Variants in SNX24 observed in about 807,000 individuals in gnomAD.
The protein encoded by SNX24 is sorting nexin 24.
SNX24 carries 22 observed loss-of-function variants against 28.7 expected under a neutral mutation model. The observed-to-expected ratio is 0.77, with a 90% CI of 0.55 to 1.10. SNX24 has a LOEUF of 1.10. SNX24 is among the 50% of genes least tolerant of loss of function. The pLI is 0.00. For synonymous variants in SNX24, 69 were observed against 71.5 expected (o/e 0.96, Z 0.18); for missense variants, 221 against 201.1 (o/e 1.10, Z -0.60).
rs142135532 is a variant in SNX24 at position 123,002,077 on chromosome 5, A to G, written c.442+73A>G. On this transcript the variant is annotated intron_variant, in intron 6 of 6. Coordinates refer to ENST00000261369, the MANE Select transcript of SNX24 (RefSeq NM_014035.4). ...GCACCACATAAACCACGTTTTTAAT[A>G]CAGGTCTAACAGAGTGACATTGGTC... 1.0e-3 allele frequency: 1,140 copies of G among 1,133,490 alleles called. 6 individuals carry two copies. The African/African-American group carries it at 0.015, about 15-fold the overall frequency. The allele number at this position is 1,133,490 out of a possible 1,614,324, so 70.2% of individuals were successfully genotyped here.
At chr5:123,027,785 T>C (rs1762882175) in intron 5 of SNX24, among the ~76,000 whole-genome samples, 2 of 152,184 alleles carry the variant, frequency 1.3e-5, no homozygotes, top group Admixed American at 1.3e-4. Context: ...AAACCAGTAT[T>C]TGTTGAATTA....
chr5:122,908,690 G>C (rs1254378071), intron 1 of SNX24, among the ~76,000 whole-genome samples: 2 of 152,178 alleles, frequency 1.3e-5, no homozygotes, highest in Non-Finnish European at 2.9e-5. Flanking sequence ...GTTTGTCAGT[G>C]AAGAAAGAAA....
At chr5:122,846,560 C>G (rs946689111) in intron 1 of SNX24, among the ~76,000 whole-genome samples, 1 of 152,222 alleles carries the variant, frequency 6.6e-6, no homozygotes, top group Non-Finnish European at 1.5e-5. Flanking sequence ...CACACACTTG[C>G]TAAACACCAG....
chr5:122,932,722 G>C (rs917172135), intron 1 of SNX24, among the ~76,000 whole-genome samples: 10 of 152,090 alleles, frequency 6.6e-5, no homozygotes, highest in African/African-American at 2.4e-4. Flanking sequence ...AGCTGGGCAT[G>C]GTGGCGGGCG....
chr5:122,919,383 A>G (rs1278432660), intron 1 of SNX24, among the ~76,000 whole-genome samples: 1 of 152,234 alleles, frequency 6.6e-6, no homozygotes, highest in African/African-American at 2.4e-5. Flanking sequence ...CCATGGTACT[A>G]GCAAAGAAGT....
intron 3 of SNX24, among the ~76,000 whole-genome samples, chr5:122,975,217 A>G (rs1003528509): frequency 6.6e-6 from 1 of 152,154 alleles, no homozygotes; most frequent in Non-Finnish European, 1.5e-5. Flanking sequence ...TCAGTCCTGT[A>G]TGTCACCCAT....
intron 3 of SNX24, among the ~76,000 whole-genome samples, chr5:122,992,267 AT>A (rs556163888): frequency 2.0e-4 from 31 of 152,300 alleles, no homozygotes; most frequent in African/African-American, 7.5e-4. Context: ...ACTACTACAT[AT>A]GTTGTAGTTG....
intron 3 of SNX24, among the ~76,000 whole-genome samples, chr5:122,992,744 C>A (rs957292462): frequency 2.0e-5 from 3 of 152,132 alleles, no homozygotes. Context: ...AATGGTAAAC[C>A]CTGGGAGGAC....
intron 1 of SNX24, chr5:122,853,659 A>AT (rs1185564275): frequency 1.4e-5 from 5 of 369,934 alleles, no homozygotes; most frequent in Admixed American, 5.9e-5. Context: ...ATTTTAAAAA[A>AT]TTTTTTTCGT....
intron 1 of SNX24, among the ~76,000 whole-genome samples, chr5:122,872,844 G>A (rs1756044232): frequency 6.6e-6 from 1 of 151,900 alleles, no homozygotes; most frequent in South Asian, 2.1e-4. Flanking sequence ...AGTTCCCACC[G>A]AGACCCATTC....
intron 3 of SNX24, among the ~76,000 whole-genome samples, chr5:122,973,127 AAT>A (rs1280721370): frequency 6.6e-6 from 1 of 152,154 alleles, no homozygotes; most frequent in Non-Finnish European, 1.5e-5. Context: ...ATGGGATAGA[AAT>A]ATCTTCACAG....
intron 3 of SNX24, among the ~76,000 whole-genome samples, chr5:122,970,225 A>G (rs532024559): frequency 1.4e-5 from 2 of 147,784 alleles, no homozygotes; most frequent in East Asian, 2.0e-4. Context: ...CAAACTACCT[A>G]CTGAACTTTT....
At chr5:123,011,041 A>T (rs901323849), downstream of SNX24, among the ~76,000 whole-genome samples, 1 of 152,188 alleles carries the variant, frequency 6.6e-6, no homozygotes, top group Non-Finnish European at 1.5e-5. Context: ...TGTGCATTGC[A>T]CAAGTCCAAG....
In SNX24 at chr5:122,845,699, C is replaced by A; in HGVS notation, c.60+6C>A. On this transcript the variant is annotated splice_donor_region_variant and intron_variant, in intron 1 of 6. Coordinates refer to ENST00000261369, the MANE Select transcript of SNX24 (RefSeq NM_014035.4). Reference sequence around the variant, plus strand: ...ACCTGGAGCGGGGATACACGGTAGGCGCGGGCCGCGGGCGGACAGGGCCCC... The same window carrying A: ...ACCTGGAGCGGGGATACACGGTAGGAGCGGGCCGCGGGCGGACAGGGCCCC... 3 of 1,376,642 alleles carry A rather than the reference C, an allele frequency of 2.2e-6. No individual in the cohort carries two copies. Among genetic ancestry groups the A allele is most frequent in the South Asian group, 1.9e-5 (1 of 52,150 alleles). The allele number at this position is 1,376,642 out of a possible 1,614,324, so 85.3% of individuals were successfully genotyped here.
chr5:122,950,838 G>T (rs1759907010), intron 3 of SNX24, among the ~76,000 whole-genome samples: 1 of 152,126 alleles, frequency 6.6e-6, no homozygotes, highest in African/African-American at 2.4e-5. Flanking sequence ...GGCGTGGAGG[G>T]CAACCAGCAA....
In SNX24 at chr5:122,946,036, T is replaced by C; in HGVS notation, c.145-19T>C. 7.5e-7 allele frequency: 1 copy of C among 1,326,578 alleles called. No individual in the cohort carries two copies. Among genetic ancestry groups the C allele is most frequent in the Non-Finnish European group, 1.1e-6 (1 of 949,548 alleles). 82.2% of individuals were successfully genotyped at this position (1,326,578 alleles called of 1,614,324 possible). The stretch of plus-strand genomic sequence containing the variant: ...TCTGTTTTTTTTTTTCTTTTTCTTT[T>C]CCTATTCTGTCTTTATAGCTTAAGA... On this transcript the variant is annotated intron_variant, in intron 2 of 6. Transcript: ENST00000261369.
At chr5:122,853,072 G>T (rs796296452) in intron 1 of SNX24, among the ~76,000 whole-genome samples, 32 of 131,176 alleles carry the variant, frequency 2.4e-4, no homozygotes, top group African/African-American at 8.2e-4. Flanking sequence ...TTAAATATTT[G>T]TTGAATGATT....
intron 5 of SNX24, among the ~76,000 whole-genome samples, chr5:123,017,413 A>G (rs1762697737): frequency 6.8e-6 from 1 of 147,182 alleles, no homozygotes; most frequent in South Asian, 2.1e-4. Context: ...ACCTCAATTC[A>G]GAAAATAAAA....
At chr5:122,862,664 A>T (rs1443291829) in intron 1 of SNX24, among the ~76,000 whole-genome samples, 1 of 151,438 alleles carries the variant, frequency 6.6e-6, no homozygotes, top group Non-Finnish European at 1.5e-5. Flanking sequence ...AATTAAAGAA[A>T]CCCAATGTAA....
Sources: allele counts gnomAD v4.1 joint callset (sites outside exome capture counted in the v4.1 genomes callset), GRCh38; gene constraint gnomAD v4.1.1; transcripts MANE v1.5; gene names NCBI Gene and HGNC (gene_info 2026-07-23, HGNC 2026-07-21).